MDM2: variants seen among roughly 807,000 people sequenced by gnomAD.
MDM2 encodes MDM2 proto-oncogene.
MDM2 carries 11 observed loss-of-function variants against 64.3 expected under a neutral mutation model. The ratio of observed to expected loss-of-function variants is 0.17; its 90% confidence interval spans 0.11 to 0.28. MDM2 has a LOEUF of 0.28. Ranked by LOEUF, MDM2 falls within the 10% of genes least tolerant of loss-of-function variation. The probability of loss-of-function intolerance (pLI) is 1.00; values close to 1 mark genes in which losing one functional copy is unlikely to be tolerated. For synonymous variants in MDM2, 194 were observed against 192.9 expected, an observed-to-expected ratio of 1.01 and a Z score of -0.05; for missense variants, 388 against 577.1, an observed-to-expected ratio of 0.67 and a Z score of 3.36.
intron 7 of MDM2, among the ~76,000 whole-genome samples, chr12:68,826,108 A>G (rs1882296125): frequency 1.3e-5 from 2 of 152,208 alleles, no homozygotes; most frequent in Admixed American, 6.5e-5. Flanking sequence ...ACAGTTCACA[A>G]AAATTTCTCA....
At chr12:68,830,812 T>C (rs1387434526) in intron 8 of MDM2, among the ~76,000 whole-genome samples, 1 of 152,146 alleles carries the variant, frequency 6.6e-6, no homozygotes, top group East Asian at 1.9e-4. Flanking sequence ...GCGATTCTCA[T>C]GTCTCAGCCT....
intron 7 of MDM2, among the ~76,000 whole-genome samples, chr12:68,827,391 C>T (rs1376511619): frequency 4.6e-5 from 7 of 152,026 alleles, no homozygotes; most frequent in African/African-American, 1.4e-4. Flanking sequence ...TTGCTTTTTC[C>T]TGTTTCCTTA....
At position 68,841,545 on chromosome 12, in the gene MDM2, G is replaced by GC. The variant is rs1883767272; in HGVS notation, c.*1699dup. 4.8e-6 allele frequency: 1 copy of GC among 209,938 alleles called. No individual in the cohort carries two copies. Among genetic ancestry groups the GC allele is most frequent in the Non-Finnish European group, 9.7e-6 (1 of 103,436 alleles). 13.0% of individuals were successfully genotyped at this position (209,938 alleles called of 1,614,324 possible). The stretch of plus-strand genomic sequence containing the variant: ...CTGAGTCTAACCTAGATTACATCAG[G>GC]CCCTTTTTCACACACAAAAAAATCC... On this transcript the variant is annotated 3_prime_UTR_variant, in exon 11 of 11. Coordinates refer to ENST00000258149, the MANE Select transcript of MDM2 (RefSeq NM_002392.6).
At chr12:68,835,571 A>G (rs1234455298) in intron 8 of MDM2, among the ~76,000 whole-genome samples, 1 of 152,214 alleles carries the variant, frequency 6.6e-6, no homozygotes, top group Non-Finnish European at 1.5e-5. Flanking sequence ...AATAACCTTG[A>G]AACCTTAATC....
chr12:68,846,931 C>T (rs937102362), downstream of MDM2: 1 of 151,660 alleles, frequency 6.6e-6, no homozygotes, highest in African/African-American at 2.4e-5. Flanking sequence ...CGACCATAAT[C>T]ACCCCAAATC....
At chr12:68,832,551 T>C (rs1358215607) in intron 8 of MDM2, among the ~76,000 whole-genome samples, 1 of 152,052 alleles carries the variant, frequency 6.6e-6, no homozygotes, top group East Asian at 1.9e-4. Flanking sequence ...CTCACTCCGT[T>C]GCCCAGGCGG....
Position 68,808,276 on chromosome 12 carries a change from G to A in MDM2, c.-202G>A. On this transcript the variant is annotated 5_prime_UTR_variant, in exon 1 of 11. Coordinates refer to ENST00000258149, the MANE Select transcript of MDM2 (RefSeq NM_002392.6). The stretch of plus-strand genomic sequence containing the variant: ...AGCAAGAAGCCGAGCCCGAGGGGCG[G>A]CCGCGACCCCTCTGACCGAGATCCT... The A allele has an allele frequency of 3.2e-6, 2 of 631,288 alleles. No homozygotes were observed. Among genetic ancestry groups the A allele is most frequent in the Admixed American group, 2.9e-5 (1 of 34,870 alleles). 39.1% of individuals were successfully genotyped at this position (631,288 alleles called of 1,614,324 possible). A position where few individuals can be genotyped will look rare whatever the true frequency, so the allele number is the denominator to read the frequency against.
chr12:68,836,517 T>G (rs3730642), intron 9 of MDM2, 155 bp from the exon 10 acceptor site: 6,853 of 565,634 alleles, frequency 0.012, 70 homozygotes, highest in South Asian at 0.023. Context: ...CTCCTCCATT[T>G]TTTCCCCCTT....
chr12:68,839,506 A>G lies in MDM2; in HGVS notation c.1151A>G (p.Asn384Ser). 1 of 1,614,044 alleles carries G rather than the reference A, an allele frequency of 6.2e-7. No individual in the cohort carries two copies. Among genetic ancestry groups the G allele is most frequent in the Admixed American group, 1.7e-5 (1 of 59,968 alleles). Residue 384 changes from asparagine to serine, a missense_variant, in exon 11 of 11, where the codon AAT becomes AGT. Coordinates refer to ENST00000258149, the MANE Select transcript of MDM2 (RefSeq NM_002392.6). ...NDSRESCVEENDDKITQASQS... is the reference protein window; with the variant it reads ...NDSRESCVEESDDKITQASQS... ...TCCAGAGAGTCATGTGTTGAGGAAA[A>G]TGATGATAAAATTACACAAGCTTCA...
At position 68,845,351 on chromosome 12, in the gene MDM2, C is replaced by T. The variant is rs570934539; in HGVS notation, c.*5502C>T. ...CTTTGAGGTAGATATCTGAAAGCACCAGCACTTGGAAGGTGTTCAGAAGTA... is the reference window on the plus strand; with the variant it reads ...CTTTGAGGTAGATATCTGAAAGCACTAGCACTTGGAAGGTGTTCAGAAGTA... On this transcript the variant is annotated 3_prime_UTR_variant, in exon 11 of 11. Coordinates refer to ENST00000258149, the MANE Select transcript of MDM2 (RefSeq NM_002392.6). The T allele has an allele frequency of 9.9e-4, 211 of 212,166 alleles. No individual in the cohort carries two copies. The highest frequency in any genetic ancestry group is 1.6e-3 in the Non-Finnish European group (173 of 104,914). The allele number at this position is 212,166 out of a possible 1,614,324, so 13.1% of individuals were successfully genotyped here.
intron 8 of MDM2, among the ~76,000 whole-genome samples, chr12:68,833,950 A>G (rs1308643030): frequency 2.0e-5 from 3 of 152,196 alleles, no homozygotes; most frequent in Non-Finnish European, 4.4e-5. Context: ...GATTGGTAGT[A>G]GAGCCCTTGT....
At chr12:68,831,935 G>A (rs1170168047) in intron 8 of MDM2, among the ~76,000 whole-genome samples, 4 of 152,146 alleles carry the variant, frequency 2.6e-5, no homozygotes, top group African/African-American at 9.7e-5. Flanking sequence ...GCTGGGCATA[G>A]TGGCGGGCAC....
At position 68,811,929 on chromosome 12, in the gene MDM2, A is replaced by G. The variant is rs550903035; in HGVS notation, c.100-1625A>G. 3.3e-5 allele frequency among the ~76,000 whole-genome samples: 5 copies of G among 151,898 alleles called. No homozygotes were observed. In the East Asian group the frequency reaches 9.7e-4, roughly 29 times the overall value. On this transcript the variant is annotated intron_variant, in intron 2 of 10. Coordinates refer to ENST00000258149, the MANE Select transcript of MDM2 (RefSeq NM_002392.6). The stretch of plus-strand genomic sequence containing the variant: ...CCTGGGTAATTTTTGTATATTTAAT[A>G]GAGACGGAGTTTCACTGTGTTGGCC...
intron 7 of MDM2, among the ~76,000 whole-genome samples, chr12:68,827,883 C>T (rs548066631): frequency 6.6e-6 from 1 of 152,152 alleles, no homozygotes; most frequent in Non-Finnish European, 1.5e-5. Context: ...GTAATCCCAG[C>T]ACTTTGGGAG....
intron 4 of MDM2, among the ~76,000 whole-genome samples, chr12:68,819,725 G>T (rs980312406): frequency 6.6e-6 from 1 of 152,176 alleles, no homozygotes; most frequent in African/African-American, 2.4e-5. Context: ...TCCAGGCCTC[G>T]GGTGATCTGC....
chr12:68,830,795 G>A (rs866389893), intron 8 of MDM2, among the ~76,000 whole-genome samples: 10 of 152,038 alleles, frequency 6.6e-5, no homozygotes, highest in South Asian at 4.1e-4. Context: ...CCACCTCCCC[G>A]GTTCAGGCGA....
At chr12:68,817,127 G>T in intron 4 of MDM2, 182 bp downstream of exon 4, 1 of 594,766 alleles carries the variant, frequency 1.7e-6, no homozygotes, top group Non-Finnish European at 2.7e-6. Context: ...TTATAAACCA[G>T]TGTTTGAAAC....
In MDM2 at chr12:68,843,850, T is replaced by G. The variant is rs770681512; in HGVS notation, c.*4001T>G. 2 of 217,018 alleles carry G rather than the reference T, an allele frequency of 9.2e-6. No individual in the cohort carries two copies. Among genetic ancestry groups the G allele is most frequent in the Non-Finnish European group, 1.9e-5 (2 of 108,090 alleles). 13.4% of individuals were successfully genotyped at this position (217,018 alleles called of 1,614,324 possible). A position where few individuals can be genotyped will look rare whatever the true frequency, so the allele number is the denominator to read the frequency against. On this transcript the variant is annotated 3_prime_UTR_variant, in exon 11 of 11. Transcript: ENST00000258149. Reference sequence around the variant, plus strand: ...TTTTGGAGGTCCTCGAAGCATTATTTGGAGTTGATAATACTTCAGCTTCAA... The same window carrying G: ...TTTTGGAGGTCCTCGAAGCATTATTGGGAGTTGATAATACTTCAGCTTCAA...
In MDM2 at chr12:68,841,593, G is replaced by C. The variant is rs900060410; in HGVS notation, c.*1744G>C. ...TCCTTTATGGGATTTAATGGAATCT[G>C]TTGTTTCCCCCTAAGTTGAAAAACA... is the stretch of plus-strand genomic sequence containing the variant. On this transcript the variant is annotated 3_prime_UTR_variant, in exon 11 of 11. Coordinates refer to ENST00000258149, the MANE Select transcript of MDM2 (RefSeq NM_002392.6). The C allele has an allele frequency of 9.5e-6, 2 of 210,026 alleles. No individual in the cohort carries two copies. Among genetic ancestry groups the C allele is most frequent in the Non-Finnish European group, 1.9e-5 (2 of 103,560 alleles). The allele number at this position is 210,026 out of a possible 1,614,324, so 13.0% of individuals were successfully genotyped here.
Sources: allele counts gnomAD v4.1 joint callset (sites outside exome capture counted in the v4.1 genomes callset), GRCh38; gene constraint gnomAD v4.1.1; transcripts MANE v1.5; gene names NCBI Gene and HGNC (gene_info 2026-07-23, HGNC 2026-07-21).